SSBP2: variants seen among roughly 807,000 people sequenced by gnomAD.
SSBP2 encodes single-stranded DNA-binding protein 2.
In SSBP2, 17 loss-of-function variants were observed where a neutral mutation model predicts 61.8. The observed-to-expected ratio is 0.28, with a 90% CI of 0.19 to 0.41. The LOEUF (loss-of-function observed/expected upper bound fraction) is 0.41. SSBP2 is among the 10% of genes least tolerant of loss of function. The pLI is 1.00. For synonymous variants in SSBP2, 139 were observed against 141.3 expected, an observed-to-expected ratio of 0.98 and a Z score of 0.12; for missense variants, 310 against 458.7, an observed-to-expected ratio of 0.68 and a Z score of 2.96.
intron 3 of SSBP2, among the ~76,000 whole-genome samples, chr5:81,623,331 C>CTTTTTTTTTTTTTT (rs35687529): frequency 9.0e-6 from 1 of 110,592 alleles, no homozygotes. Context: ...CATTGTAGTA[C>CTTTTTTTTTTTTTT]TTTTTTTTTT....
intron 1 of SSBP2, among the ~76,000 whole-genome samples, chr5:81,742,290 A>G (rs763554258): frequency 6.6e-6 from 1 of 152,224 alleles, no homozygotes; most frequent in Non-Finnish European, 1.5e-5. Flanking sequence ...CATAGTCCTG[A>G]AATTCAAAGA....
chr5:81,615,691 C>T, intron 3 of SSBP2, 134 bp from the exon 4 acceptor site: 1 of 596,864 alleles, frequency 1.7e-6, no homozygotes, highest in Non-Finnish European at 2.9e-6. Context: ...ATCTGAAAGA[C>T]TTAAACGCAA....
intron 4 of SSBP2, among the ~76,000 whole-genome samples, chr5:81,541,737 G>A (rs1580969119): frequency 6.6e-6 from 1 of 152,120 alleles, no homozygotes; most frequent in South Asian, 2.1e-4. Flanking sequence ...AATGAAACTG[G>A]GCCCCTACCT....
intron 10 of SSBP2, among the ~76,000 whole-genome samples, chr5:81,458,328 T>TA (rs1297094687): frequency 4.6e-5 from 7 of 152,176 alleles, no homozygotes; most frequent in Non-Finnish European, 1.0e-4. Context: ...ACTGGGGTTA[T>TA]AAAAAAATTA....
chr5:81,627,835 G>A (rs937858577), intron 3 of SSBP2, among the ~76,000 whole-genome samples: 10 of 152,076 alleles, frequency 6.6e-5, no homozygotes, highest in African/African-American at 2.4e-4. Context: ...AAGCAGAGGC[G>A]AGTGAGTCTC....
At chr5:81,475,121 G>C (rs932992899) in intron 6 of SSBP2, among the ~76,000 whole-genome samples, 1 of 152,114 alleles carries the variant, frequency 6.6e-6, no homozygotes, top group Non-Finnish European at 1.5e-5. Flanking sequence ...AGATATGAAC[G>C]TAACAGGGTT....
At chr5:81,731,144 C>T (rs920309868) in intron 1 of SSBP2, among the ~76,000 whole-genome samples, 9 of 152,148 alleles carry the variant, frequency 5.9e-5, no homozygotes, top group African/African-American at 2.2e-4. Flanking sequence ...ACTGCTTTTG[C>T]CTCAGATTCT....
intron 1 of SSBP2, among the ~76,000 whole-genome samples, chr5:81,681,970 G>C (rs745436094): frequency 2.0e-5 from 3 of 152,118 alleles, no homozygotes; most frequent in Non-Finnish European, 4.4e-5. Context: ...AGATGAAATA[G>C]ACCAGTTCCT....
chr5:81,688,764 A>G (rs1260823495), intron 1 of SSBP2, among the ~76,000 whole-genome samples: 1 of 152,142 alleles, frequency 6.6e-6, no homozygotes, highest in African/African-American at 2.4e-5. Context: ...GAAAGGCACA[A>G]CAAGCCCAAA....
In SSBP2 at chr5:81,641,663, A is replaced by G. The variant is rs1366561019; in HGVS notation, c.136-5045T>C. ...AAAATGGTGCTCAAGAAGAGCCAAA[A>G]TAGAATCCTGACCTGTAGAAAACTA... is the stretch of plus-strand genomic sequence containing the variant. On this transcript the variant is annotated intron_variant, in intron 2 of 16. Coordinates refer to ENST00000320672, the MANE Select transcript of SSBP2 (RefSeq NM_012446.5). Among the ~76,000 whole-genome samples the G allele has an allele frequency of 2.0e-5, 3 of 152,226 alleles. No homozygotes were observed. In the East Asian group the frequency reaches 5.8e-4, roughly 29 times the overall value.
At chr5:81,703,704 A>C (rs1391568457) in intron 1 of SSBP2, among the ~76,000 whole-genome samples, 1 of 152,188 alleles carries the variant, frequency 6.6e-6, no homozygotes, top group Non-Finnish European at 1.5e-5. Context: ...ATTAATGTTC[A>C]CTAATGATTT....
chr5:81,511,207 C>A (rs185301535), intron 5 of SSBP2, among the ~76,000 whole-genome samples: 85 of 152,288 alleles, frequency 5.6e-4, no homozygotes, highest in Non-Finnish European at 8.5e-4. Context: ...ATGCACCTCC[C>A]AAGATTCGGT....
chr5:81,750,856 C>T, intron 1 of SSBP2, 125 bp downstream of exon 1: 1 of 1,081,300 alleles, frequency 9.2e-7, no homozygotes. Flanking sequence ...GGCACCCCTC[C>T]CCCTGCCAGC....
chr5:81,482,670 A>C (rs776054521), intron 6 of SSBP2, among the ~76,000 whole-genome samples: 1 of 152,216 alleles, frequency 6.6e-6, no homozygotes, highest in Non-Finnish European at 1.5e-5. Flanking sequence ...CTTTGGCTTA[A>C]GGGAATATTG....
At chr5:81,623,884 T>C (rs922519841) in intron 3 of SSBP2, among the ~76,000 whole-genome samples, 30 of 152,154 alleles carry the variant, frequency 2.0e-4, no homozygotes, top group Non-Finnish European at 2.5e-4. Context: ...ATAAAACAAG[T>C]GATTAAAAGA....
chr5:81,481,630 A>C lies in SSBP2; in HGVS notation c.433-7068T>G, dbSNP rs1009554130. ...AGTGAAACTACATCTAAAAAAAAAA[A>C]AAAACAAACTGAAAGTAAAATTACT... is the stretch of plus-strand genomic sequence containing the variant. On this transcript the variant is annotated intron_variant, in intron 6 of 16. Transcript: ENST00000320672. 2.7e-5 allele frequency among the ~76,000 whole-genome samples: 4 copies of C among 150,162 alleles called. No homozygotes were observed. In the East Asian group the frequency reaches 7.9e-4, roughly 29 times the overall value.
rs919959460 is a variant in SSBP2, at chr5:81,418,684, A to G, written c.*1820T>C. Reference sequence around the variant, plus strand: ...TATTGCTCCTAGGCTACAAACCTGTACAGCATGTTACTGTACTGAATACCA... The same window carrying G: ...TATTGCTCCTAGGCTACAAACCTGTGCAGCATGTTACTGTACTGAATACCA... On this transcript the variant is annotated 3_prime_UTR_variant, in exon 17 of 17. Coordinates refer to ENST00000320672, the MANE Select transcript of SSBP2 (RefSeq NM_012446.5). 1 of 152,370 alleles carries G rather than the reference A, an allele frequency of 6.6e-6. No homozygotes were observed. The highest frequency in any genetic ancestry group is 2.4e-5 in the African/African-American group (1 of 41,592). The allele number at this position is 152,370 out of a possible 1,614,324, so 9.4% of individuals were successfully genotyped here.
chr5:81,507,084 C>T (rs1244802716), intron 5 of SSBP2, among the ~76,000 whole-genome samples: 1 of 151,932 alleles, frequency 6.6e-6, no homozygotes, highest in Non-Finnish European at 1.5e-5. Context: ...CAGCTTGCTA[C>T]AGTGCAGCCT....
chr5:81,637,412 T>C (rs1748339354), intron 2 of SSBP2, among the ~76,000 whole-genome samples: 1 of 152,246 alleles, frequency 6.6e-6, no homozygotes, highest in South Asian at 2.1e-4. Flanking sequence ...GTTTAGCTAT[T>C]TCCACATATT....
Sources: allele counts gnomAD v4.1 joint callset (sites outside exome capture counted in the v4.1 genomes callset), GRCh38; gene constraint gnomAD v4.1.1; transcripts MANE v1.5; gene names NCBI Gene and HGNC (gene_info 2026-07-23, HGNC 2026-07-21).